CTNNA3: variants seen among roughly 807,000 people sequenced by gnomAD.
CTNNA3 encodes the protein catenin alpha-3.
A neutral mutation model predicts 95.7 loss-of-function variants in CTNNA3; 76 were observed. The ratio of observed to expected loss-of-function variants is 0.79; its 90% CI spans 0.66 to 0.96. The LOEUF is 0.96. Ranked by LOEUF, CTNNA3 falls within the 40% of genes least tolerant of loss-of-function variation. CTNNA3 has a pLI of 0.00. For missense variants in CTNNA3, 1,191 were observed against 1,089.8 expected, an observed-to-expected ratio of 1.09 and a Z score of -1.31; for synonymous variants, 431 against 374.4, an observed-to-expected ratio of 1.15 and a Z score of -1.74.
chr10:67,346,368 TC>T (rs1160782960), intron 5 of CTNNA3, among the ~76,000 whole-genome samples: 2 of 152,326 alleles, frequency 1.3e-5, no homozygotes, highest in Non-Finnish European at 2.9e-5. Context: ...AATATACTTT[TC>T]TTTCTAATTG....
At chr10:66,057,017 C>T (rs1364482822) in intron 15 of CTNNA3, among the ~76,000 whole-genome samples, 1 of 152,130 alleles carries the variant, frequency 6.6e-6, no homozygotes, top group Non-Finnish European at 1.5e-5. Context: ...GCCAAATATA[C>T]CCCTCAAACC....
chr10:66,596,806 C>T (rs530410814), intron 10 of CTNNA3, among the ~76,000 whole-genome samples: 144 of 151,818 alleles, frequency 9.5e-4, no homozygotes, highest in Non-Finnish European at 1.9e-3. Context: ...ACCAAAGGAA[C>T]AAAATAAAGT....
Position 66,530,937 on chromosome 10 carries a change from T to C in CTNNA3, c.1375-10164A>G, listed in dbSNP as rs146255214. 7.2e-5 allele frequency among the ~76,000 whole-genome samples: 11 copies of C among 152,264 alleles called. No individual in the cohort carries two copies. The East Asian group carries it at 2.1e-3, about 29-fold the overall frequency. ...TGAAAGTATATGCCAGTATAAATTTTCGTATCTCATAAAACATACTGCTGA... is the reference window on the plus strand; with the variant it reads ...TGAAAGTATATGCCAGTATAAATTTCCGTATCTCATAAAACATACTGCTGA... On this transcript the variant is annotated intron_variant, in intron 10 of 17. Transcript: ENST00000433211.
chr10:65,927,569 G>T (rs2077186638), intron 17 of CTNNA3, among the ~76,000 whole-genome samples: 1 of 152,088 alleles, frequency 6.6e-6, no homozygotes, highest in Admixed American at 6.6e-5. Flanking sequence ...GTAATTTTTT[G>T]TGTGATGTTT....
At chr10:66,701,779 G>A (rs1438281539) in intron 9 of CTNNA3, among the ~76,000 whole-genome samples, 1 of 152,104 alleles carries the variant, frequency 6.6e-6, no homozygotes, top group Admixed American at 6.6e-5. Context: ...GGAATCAGAA[G>A]TGTTTCTGAT....
intron 5 of CTNNA3, among the ~76,000 whole-genome samples, chr10:67,269,720 A>C (rs1342613896): frequency 2.0e-5 from 3 of 152,184 alleles, no homozygotes; most frequent in African/African-American, 7.2e-5. Context: ...TGGCAGGAGC[A>C]GCAAATGAGC....
At chr10:67,258,535 T>G (rs1042385945) in intron 5 of CTNNA3, among the ~76,000 whole-genome samples, 2 of 152,210 alleles carry the variant, frequency 1.3e-5, no homozygotes, top group Admixed American at 6.5e-5. Context: ...CCTAGAGAAC[T>G]TTCATGGCAC....
chr10:67,278,158 G>A (rs1041570608), intron 5 of CTNNA3, among the ~76,000 whole-genome samples: 2 of 152,122 alleles, frequency 1.3e-5, no homozygotes, highest in East Asian at 3.9e-4. Flanking sequence ...GAACGTACAG[G>A]TATAACAAAG....
At chr10:67,361,460 C>T (rs9415873) in intron 5 of CTNNA3, among the ~76,000 whole-genome samples, 1 of 152,020 alleles carries the variant, frequency 6.6e-6, no homozygotes, top group Admixed American at 6.6e-5. Flanking sequence ...CAAATCAATA[C>T]CAATTAAACA....
At chr10:66,142,104 C>G (rs762467862) in intron 13 of CTNNA3, among the ~76,000 whole-genome samples, 11 of 152,128 alleles carry the variant, frequency 7.2e-5, no homozygotes, top group Non-Finnish European at 1.3e-4. Flanking sequence ...CTAGATTTTT[C>G]TCCTACCTTT....
chr10:66,387,897 AG>A (rs1437069067), intron 11 of CTNNA3, among the ~76,000 whole-genome samples: 1 of 152,098 alleles, frequency 6.6e-6, no homozygotes, highest in East Asian at 1.9e-4. Context: ...CTGAACAATG[AG>A]ATCACCTGGA....
At chr10:67,598,518 G>A (rs1004446532) in intron 3 of CTNNA3, among the ~76,000 whole-genome samples, 1 of 151,922 alleles carries the variant, frequency 6.6e-6, no homozygotes, top group African/African-American at 2.4e-5. Context: ...AGAATGTGCT[G>A]ATTTTGACGG....
At chr10:66,989,232 C>G (rs190167412) in intron 7 of CTNNA3, among the ~76,000 whole-genome samples, 1 of 152,018 alleles carries the variant, frequency 6.6e-6, no homozygotes, top group East Asian at 1.9e-4. Context: ...GAGGGCCCTC[C>G]TAGGGGTCAA....
At chr10:66,950,381 A>G (rs1848480546) in intron 7 of CTNNA3, among the ~76,000 whole-genome samples, 1 of 152,064 alleles carries the variant, frequency 6.6e-6, no homozygotes, top group Non-Finnish European at 1.5e-5. Context: ...TATCCTAAAC[A>G]TGCTTAAGGC....
chr10:67,755,310 A>T (rs1841426944), intron 1 of CTNNA3, among the ~76,000 whole-genome samples: 1 of 152,172 alleles, frequency 6.6e-6, no homozygotes, highest in African/African-American at 2.4e-5. Flanking sequence ...ATCTCACCCC[A>T]GTTTAAATTG....
chr10:67,414,514 A>T (rs1443842921), intron 5 of CTNNA3, among the ~76,000 whole-genome samples: 1 of 152,116 alleles, frequency 6.6e-6, no homozygotes, highest in Admixed American at 6.5e-5. Flanking sequence ...ACAAACAAGA[A>T]CTGATACTAA....
At chr10:66,471,256 T>G (rs1839120012) in intron 11 of CTNNA3, among the ~76,000 whole-genome samples, 1 of 151,892 alleles carries the variant, frequency 6.6e-6, no homozygotes, top group African/African-American at 2.4e-5. Context: ...ATTTTTATAA[T>G]GTATATCTAT....
At chr10:66,076,096 T>C (rs757935052) in intron 14 of CTNNA3, among the ~76,000 whole-genome samples, 2 of 151,592 alleles carry the variant, frequency 1.3e-5, no homozygotes, top group Non-Finnish European at 3.0e-5. Context: ...ACTTTAAAAA[T>C]ATACACATGG....
intron 4 of CTNNA3, among the ~76,000 whole-genome samples, chr10:67,533,383 C>A (rs576254898): frequency 6.7e-6 from 1 of 149,978 alleles, no homozygotes. Context: ...CTAAGAAGAA[C>A]AAATAGTACA....
Sources: allele counts gnomAD v4.1 joint callset (sites outside exome capture counted in the v4.1 genomes callset), GRCh38; gene constraint gnomAD v4.1.1; transcripts MANE v1.5; gene names NCBI Gene and HGNC (gene_info 2026-07-23, HGNC 2026-07-21).